The following DAB1 variants were observed in gnomAD, a reference collection of about 807,000 sequenced individuals.
DAB1 encodes DAB adaptor protein 1.
In DAB1, 15 loss-of-function variants were observed where a neutral mutation model predicts 64.6. The observed-to-expected ratio is 0.23, with a 90% CI of 0.16 to 0.36. The LOEUF (loss-of-function observed/expected upper bound fraction) is 0.36. Among genes scored for constraint, DAB1 ranks in the 10% least tolerant of loss-of-function variants. The pLI, the probability that DAB1 is intolerant of heterozygous loss-of-function variation, is 1.00. For missense variants in DAB1, 596 were observed against 706.7 expected (o/e 0.84, Z 1.78); for synonymous variants, 235 against 251.9 (o/e 0.93, Z 0.64).
chr1:57,316,530 T>C (rs1417539916), intron 1 of DAB1, among the ~76,000 whole-genome samples: 2 of 152,286 alleles, frequency 1.3e-5, no homozygotes, highest in Admixed American at 6.5e-5. Context: ...GGCAATTTTA[T>C]TGGCAGCGCT....
At chr1:58,507,337 A>C (rs1170238627) in intron 2 of DAB1, among the ~76,000 whole-genome samples, 1 of 151,988 alleles carries the variant, frequency 6.6e-6, no homozygotes, top group Non-Finnish European at 1.5e-5. Context: ...ATAATAGTGT[A>C]ATTGTGAAAC....
At chr1:57,504,219 G>A (rs1423216436) in intron 7 of DAB1, among the ~76,000 whole-genome samples, 3 of 152,158 alleles carry the variant, frequency 2.0e-5, no homozygotes, top group Admixed American at 6.5e-5. Flanking sequence ...AAAGGGAAAA[G>A]TGACATTAAA....
chr1:57,196,079 G>C (rs1055205186), intron 2 of DAB1, among the ~76,000 whole-genome samples: 19 of 152,112 alleles, frequency 1.2e-4, no homozygotes, highest in African/African-American at 4.6e-4. Context: ...ATGAAGAAGG[G>C]CCAAGGAATG....
chr1:57,215,202 A>C (rs910077977), intron 2 of DAB1, among the ~76,000 whole-genome samples: 17 of 152,240 alleles, frequency 1.1e-4, no homozygotes, highest in African/African-American at 4.1e-4. Flanking sequence ...CCTCACTGTG[A>C]TGAATGCATA....
chr1:57,424,305 G>T (rs1286360192), upstream of DAB1, among the ~76,000 whole-genome samples: 1 of 151,478 alleles, frequency 6.6e-6, no homozygotes, highest in African/African-American at 2.4e-5. Flanking sequence ...GCTTAGCCGA[G>T]TGGCGGTGGC....
intron 5 of DAB1, among the ~76,000 whole-genome samples, chr1:57,071,866 TA>T (rs1461538975): frequency 1.3e-5 from 2 of 152,178 alleles, no homozygotes; most frequent in African/African-American, 4.8e-5. Context: ...ATCATAAGCA[TA>T]AAAGGCATTG....
intron 5 of DAB1, among the ~76,000 whole-genome samples, chr1:58,099,036 C>T (rs1285375613): frequency 6.6e-6 from 1 of 152,148 alleles, no homozygotes; most frequent in East Asian, 1.9e-4. Context: ...ACCCAGGCCC[C>T]TCAGAAATGG....
intron 5 of DAB1, among the ~76,000 whole-genome samples, chr1:57,924,456 A>T (rs1644850753): frequency 1.3e-5 from 2 of 151,416 alleles, no homozygotes; most frequent in African/African-American, 4.9e-5. Flanking sequence ...GATGAGTTAC[A>T]TTTTTTTTCA....
At chr1:57,428,870 AAAAAAC>A (rs1685390234), upstream of DAB1, among the ~76,000 whole-genome samples, 2 of 149,934 alleles carry the variant, frequency 1.3e-5, no homozygotes, top group African/African-American at 4.9e-5. Flanking sequence ...ACAGCAACCA[AAAAAAC>A]TGTTTGTTTG....
At position 58,050,521 on chromosome 1, in the gene DAB1, T is replaced by TTTTA. The variant is rs578258985; in HGVS notation, n.387+99986_387+99989dup. On this transcript the variant is annotated intron_variant and non_coding_transcript_variant, in intron 5 of 20. Transcript: ENST00000485760. ...TAAAAGAATTAACCTCATTGCTTTA[T>TTTTA]TTTATTTATTTATTTATTTATTTAT... 1.1e-3 allele frequency among the ~76,000 whole-genome samples: 170 copies of TTTTA among 152,040 alleles called. 1 individual carries two copies. The Middle Eastern group carries it at 0.014, about 12-fold the overall frequency.
chr1:58,473,271 G>A (rs113456093), intron 3 of DAB1, among the ~76,000 whole-genome samples: 3,371 of 152,220 alleles, frequency 0.022, 119 homozygotes, highest in African/African-American at 0.076. Flanking sequence ...GGCCGGGCGC[G>A]GTGGCTCACG....
chr1:57,291,040 T>A lies in DAB1; in HGVS notation c.-10A>T, dbSNP rs1672740854. The stretch of plus-strand genomic sequence containing the variant: ...CTGTCTCAGTTGACATCCTACTTAA[T>A]CCTTAGTCCACTTCACACAGATCCC... On this transcript the variant is annotated 5_prime_UTR_variant, in exon 2 of 15. Coordinates refer to ENST00000371236, the MANE Select transcript of DAB1 (RefSeq NM_001365792.1). 2 of 1,606,396 alleles carry A rather than the reference T, an allele frequency of 1.2e-6. No individual in the cohort carries two copies. Among genetic ancestry groups the A allele is most frequent in the South Asian group, 2.2e-5 (2 of 90,008 alleles).
At chr1:57,291,843 C>T (rs1672802147) in intron 1 of DAB1, among the ~76,000 whole-genome samples, 1 of 152,206 alleles carries the variant, frequency 6.6e-6, no homozygotes, top group African/African-American at 2.4e-5. Flanking sequence ...TGCTATTAAA[C>T]TCAGACACCG....
intron 4 of DAB1, among the ~76,000 whole-genome samples, chr1:57,128,140 T>A (rs1657311484): frequency 7.0e-6 from 1 of 143,398 alleles, no homozygotes; most frequent in Non-Finnish European, 1.5e-5. Context: ...AGAGTGAGAG[T>A]CTCAAAAAAT....
intron 4 of DAB1, among the ~76,000 whole-genome samples, chr1:58,195,347 C>T (rs1657616588): frequency 6.6e-6 from 1 of 151,956 alleles, no homozygotes; most frequent in African/African-American, 2.4e-5. Flanking sequence ...GAATTTGATA[C>T]CAGAAGTAGA....
At chr1:58,467,196 C>T (rs1052174968) in intron 3 of DAB1, among the ~76,000 whole-genome samples, 1 of 152,256 alleles carries the variant, frequency 6.6e-6, no homozygotes, top group East Asian at 1.9e-4. Context: ...GAGGATAACG[C>T]CAAACTCTTT....
chr1:57,083,663 T>C (rs1465078305), intron 4 of DAB1, among the ~76,000 whole-genome samples: 1 of 152,218 alleles, frequency 6.6e-6, no homozygotes, highest in Non-Finnish European at 1.5e-5. Context: ...TTGACTAAAA[T>C]GCAGCCAATG....
intron 7 of DAB1, among the ~76,000 whole-genome samples, chr1:57,493,530 T>C (rs115647694): frequency 1.5e-3 from 227 of 152,344 alleles, no homozygotes; most frequent in Non-Finnish European, 2.7e-3. Flanking sequence ...GTTAATCCGC[T>C]GATCCATAGA....
intron 6 of DAB1, among the ~76,000 whole-genome samples, chr1:57,799,447 G>A (rs749426140): frequency 1.3e-5 from 2 of 151,886 alleles, no homozygotes; most frequent in Non-Finnish European, 2.9e-5. Flanking sequence ...GGCAGACCCT[G>A]TTTGGGAATG....
Sources: gnomAD v4.1 joint callset for allele counts (sites outside exome capture counted in the v4.1 genomes callset) on GRCh38, gnomAD v4.1.1 for gene constraint, MANE v1.5 for transcripts, NCBI Gene and HGNC (gene_info 2026-07-23, HGNC 2026-07-21) for gene names.